The following B3GALT1 variants were observed in gnomAD, a reference collection of about 807,000 sequenced individuals.
B3GALT1 encodes the protein beta-1,3-galactosyltransferase 1.
In B3GALT1, 10 loss-of-function variants were observed where a neutral mutation model predicts 23.2. That is an observed-to-expected ratio of 0.43 (90% CI 0.27 to 0.73). B3GALT1 has a LOEUF of 0.73. Ranked by LOEUF, B3GALT1 falls within the 30% of genes least tolerant of loss-of-function variation. The pLI is 0.21. For missense variants in B3GALT1, 299 were observed against 405.4 expected (o/e 0.74, Z 2.25); for synonymous variants, 156 against 141.5 (o/e 1.10, Z -0.73).
intron 3 of B3GALT1, among the ~76,000 whole-genome samples, chr2:167,734,414 T>C (rs1687460400): frequency 1.3e-5 from 2 of 152,192 alleles, no homozygotes; most frequent in African/African-American, 4.8e-5. Flanking sequence ...CCACTTTTGC[T>C]GTAAGGCAAT....
At chr2:167,793,081 A>G (rs1362539204) in intron 3 of B3GALT1, among the ~76,000 whole-genome samples, 1 of 152,164 alleles carries the variant, frequency 6.6e-6, no homozygotes, top group Non-Finnish European at 1.5e-5. Context: ...TATCTCAACC[A>G]CAAGTGTGGA....
intron 2 of B3GALT1, among the ~76,000 whole-genome samples, chr2:167,558,500 G>A (rs573578415): frequency 3.9e-5 from 6 of 152,314 alleles, no homozygotes; most frequent in South Asian, 2.1e-4. Context: ...GAAGCAGGGC[G>A]AGGCATTGAC....
chr2:167,798,405 T>G (rs539266354), intron 3 of B3GALT1, among the ~76,000 whole-genome samples: 1 of 152,316 alleles, frequency 6.6e-6, no homozygotes, highest in Non-Finnish European at 1.5e-5. Flanking sequence ...TTCTAGGGTT[T>G]TTATGGTTTT....
intron 3 of B3GALT1, chr2:167,715,166 T>G: frequency 1.2e-6 from 2 of 1,613,950 alleles, no homozygotes; most frequent in Non-Finnish European, 8.5e-7. Flanking sequence ...AGCACCATTT[T>G]CCGATTGACT....
intron 4 of B3GALT1, among the ~76,000 whole-genome samples, chr2:167,852,367 C>T (rs555847856): frequency 2.0e-5 from 3 of 152,080 alleles, no homozygotes; most frequent in Non-Finnish European, 2.9e-5. Flanking sequence ...AAAGACATTT[C>T]GGAAAGAATA....
At chr2:167,533,404 G>C (rs1294494990) in intron 2 of B3GALT1, among the ~76,000 whole-genome samples, 1 of 151,798 alleles carries the variant, frequency 6.6e-6, no homozygotes, top group Non-Finnish European at 1.5e-5. Flanking sequence ...TTAATAGTGT[G>C]ACTTTTCTTT....
chr2:167,800,980 C>T (rs1574268935), intron 3 of B3GALT1, among the ~76,000 whole-genome samples: 1 of 152,178 alleles, frequency 6.6e-6, no homozygotes, highest in African/African-American at 2.4e-5. Flanking sequence ...AAGAGCCACT[C>T]AGTGAATATA....
In B3GALT1 at chr2:167,597,407, G is replaced by T. The variant is rs1338255474; in HGVS notation, c.-409-49502G>T. ...TGGGATTACAGGCATGAGCCACCAT[G>T]CCCAGCCCATTGTCATGTTTGAATG... On this transcript the variant is annotated intron_variant, in intron 2 of 4. Transcript: ENST00000392690. 1.3e-5 allele frequency among the ~76,000 whole-genome samples: 2 copies of T among 152,124 alleles called. 1 individual carries two copies. The highest frequency in any genetic ancestry group is 4.8e-5 in the African/African-American group (2 of 41,438).
rs145112762 is a variant in B3GALT1 at position 167,500,922 on chromosome 2, A to G, written c.-410+10645A>G. On this transcript the variant is annotated intron_variant, in intron 2 of 4. Coordinates refer to ENST00000392690, the MANE Select transcript of B3GALT1 (RefSeq NM_020981.4). The stretch of plus-strand genomic sequence containing the variant: ...GAACCATAATCCTTTACTGATAGCA[A>G]GTCTACCATACTATCTGGGATAGTG... Among the ~76,000 whole-genome samples the G allele has an allele frequency of 7.0e-3, 1,067 of 152,280 alleles. 5 individuals are homozygous for G. The highest frequency in any genetic ancestry group is 0.044 in the Middle Eastern group (13 of 294).
intron 4 of B3GALT1, among the ~76,000 whole-genome samples, chr2:167,848,015 A>T (rs953922393): frequency 6.6e-6 from 1 of 152,162 alleles, no homozygotes; most frequent in African/African-American, 2.4e-5. Context: ...TCCTGGAAAA[A>T]TACAACCCTC....
At chr2:167,313,419 A>G (rs1696663234) in intron 1 of B3GALT1, among the ~76,000 whole-genome samples, 1 of 152,192 alleles carries the variant, frequency 6.6e-6, no homozygotes, top group Admixed American at 6.6e-5. Flanking sequence ...GAGTAATAGA[A>G]TAGTTTTAAT....
At chr2:167,836,078 G>A (rs1030053663) in intron 4 of B3GALT1, among the ~76,000 whole-genome samples, 2 of 152,066 alleles carry the variant, frequency 1.3e-5, no homozygotes, top group African/African-American at 2.4e-5. Flanking sequence ...CACAAAGATG[G>A]GGAAAAAACA....
chr2:167,688,668 A>G (rs115436926), intron 3 of B3GALT1, among the ~76,000 whole-genome samples: 2,361 of 152,084 alleles, frequency 0.016, 51 homozygotes, highest in African/African-American at 0.052. Context: ...GACTAATACA[A>G]AAAAAACTAA....
intron 1 of B3GALT1, among the ~76,000 whole-genome samples, chr2:167,397,517 T>C (rs1698117454): frequency 6.6e-6 from 1 of 152,100 alleles, no homozygotes; most frequent in African/African-American, 2.4e-5. Flanking sequence ...TCACTGGCCC[T>C]CTAGTTCTAC....
chr2:167,387,020 C>T (rs1697939477), intron 1 of B3GALT1, among the ~76,000 whole-genome samples: 1 of 152,118 alleles, frequency 6.6e-6, no homozygotes, highest in African/African-American at 2.4e-5. Flanking sequence ...CTCATCATAT[C>T]ATATCATATC....
intron 1 of B3GALT1, among the ~76,000 whole-genome samples, chr2:167,389,279 G>A (rs1697979012): frequency 6.6e-6 from 1 of 152,238 alleles, no homozygotes; most frequent in African/African-American, 2.4e-5. Flanking sequence ...GCAAGTCAGC[G>A]AACAAATTCA....
intron 2 of B3GALT1, among the ~76,000 whole-genome samples, chr2:167,502,094 T>G (rs976597271): frequency 6.6e-6 from 1 of 152,196 alleles, no homozygotes; most frequent in Non-Finnish European, 1.5e-5. Flanking sequence ...CACTGAAAGT[T>G]TCCTGAAAGG....
intron 2 of B3GALT1, among the ~76,000 whole-genome samples, chr2:167,625,314 A>G (rs2105442600): frequency 6.6e-6 from 1 of 152,058 alleles, no homozygotes; most frequent in Non-Finnish European, 1.5e-5. Flanking sequence ...AAGTACTAAC[A>G]TGGCCACAAT....
chr2:167,786,078 C>T (rs1688339984), intron 3 of B3GALT1, among the ~76,000 whole-genome samples: 2 of 152,220 alleles, frequency 1.3e-5, no homozygotes, highest in South Asian at 4.1e-4. Context: ...TAAATCAACA[C>T]AGATGCAAAT....
Sources: gnomAD v4.1 joint callset for allele counts (sites outside exome capture counted in the v4.1 genomes callset) on GRCh38, gnomAD v4.1.1 for gene constraint, MANE v1.5 for transcripts, NCBI Gene and HGNC (gene_info 2026-07-23, HGNC 2026-07-21) for gene names.